Variants in RIMS2 observed in about 807,000 individuals in gnomAD.
The protein encoded by RIMS2 is regulating synaptic membrane exocytosis 2.
RIMS2 carries 59 observed loss-of-function variants against 174.4 expected under a neutral mutation model. That is an observed-to-expected ratio of 0.34 (90% CI 0.27 to 0.42). The LOEUF (loss-of-function observed/expected upper bound fraction) is 0.42. Among genes scored for constraint, RIMS2 ranks in the 10% least tolerant of loss-of-function variants. RIMS2 has a pLI of 1.00. For synonymous variants in RIMS2, 606 were observed against 572.5 expected, an observed-to-expected ratio of 1.06 and a Z score of -0.84; for missense variants, 1,620 against 1,666.3, an observed-to-expected ratio of 0.97 and a Z score of 0.48.
chr8:104,165,487 GT>G (rs573718736), intron 19 of RIMS2, among the ~76,000 whole-genome samples: 16 of 148,668 alleles, frequency 1.1e-4, no homozygotes, highest in South Asian at 4.3e-4. Flanking sequence ...ACTTTTTTCT[GT>G]TTTTTTTTAA....
intron 3 of RIMS2, among the ~76,000 whole-genome samples, chr8:103,860,997 T>C (rs2099055780): frequency 6.6e-6 from 1 of 152,036 alleles, no homozygotes; most frequent in African/African-American, 2.4e-5. Context: ...TTATTTTATT[T>C]TAGATTCAGG....
chr8:104,110,574 T>A (rs2098163168), intron 19 of RIMS2, among the ~76,000 whole-genome samples: 1 of 152,172 alleles, frequency 6.6e-6, no homozygotes, highest in Non-Finnish European at 1.5e-5. Flanking sequence ...GTTCTCTTGT[T>A]AAGTCTTTTT....
intron 19 of RIMS2, among the ~76,000 whole-genome samples, chr8:104,016,725 A>C (rs2095918884): frequency 6.6e-6 from 1 of 152,118 alleles, no homozygotes; most frequent in South Asian, 2.1e-4. Context: ...TAATTTATGC[A>C]CATTTTTAAA....
At chr8:103,545,499 A>G (rs1166487605) in intron 1 of RIMS2, among the ~76,000 whole-genome samples, 1 of 152,220 alleles carries the variant, frequency 6.6e-6, no homozygotes, top group Non-Finnish European at 1.5e-5. Flanking sequence ...AGAGAGGTGA[A>G]CATTGACATC....
chr8:103,627,702 T>G (rs1047335472), intron 1 of RIMS2, among the ~76,000 whole-genome samples: 1 of 152,216 alleles, frequency 6.6e-6, no homozygotes, highest in Non-Finnish European at 1.5e-5. Context: ...CTTTAAGAGT[T>G]CATCAAGAAA....
In RIMS2 at chr8:103,730,285, A is replaced by G. The variant is rs574922838; in HGVS notation, c.387+32989A>G. Among the ~76,000 whole-genome samples, 25 of 151,934 alleles carry G rather than the reference A, an allele frequency of 1.6e-4. 1 individual carries two copies. In the East Asian group the frequency reaches 4.4e-3, roughly 27 times the overall value. ...GGGTGATTATATATTTGCAATTGTT[A>G]TATATATAGAGGACCTCTAATAATA... On this transcript the variant is annotated intron_variant, in intron 2 of 23. Transcript: ENST00000504942.
chr8:103,667,214 A>G (rs1321662910), intron 1 of RIMS2, among the ~76,000 whole-genome samples: 1 of 152,244 alleles, frequency 6.6e-6, no homozygotes, highest in Non-Finnish European at 1.5e-5. Context: ...TGTCATGTGC[A>G]ACAAGAAGTG....
intron 1 of RIMS2, among the ~76,000 whole-genome samples, chr8:103,648,285 G>A (rs1451353759): frequency 2.0e-5 from 3 of 152,082 alleles, no homozygotes; most frequent in Admixed American, 6.5e-5. Context: ...CTGAGAGAAT[G>A]TTTGTTATTA....
chr8:104,205,138 T>G (rs1200940115), intron 19 of RIMS2, among the ~76,000 whole-genome samples: 2 of 152,162 alleles, frequency 1.3e-5, no homozygotes, highest in Non-Finnish European at 2.9e-5. Flanking sequence ...AAGAAAGCAA[T>G]GAAGAAAATT....
intron 2 of RIMS2, among the ~76,000 whole-genome samples, chr8:103,746,167 G>A (rs929256293): frequency 6.6e-6 from 1 of 152,150 alleles, no homozygotes; most frequent in African/African-American, 2.4e-5. Flanking sequence ...TTTGCATGTG[G>A]ATATCAAATT....
chr8:103,552,072 G>T (rs1848206357), intron 1 of RIMS2, among the ~76,000 whole-genome samples: 1 of 152,092 alleles, frequency 6.6e-6, no homozygotes, highest in Admixed American at 6.6e-5. Context: ...AGCTACCAAT[G>T]ACTTTTTTCA....
At chr8:104,014,649 A>G in intron 19 of RIMS2, 34 bp downstream of exon 21, 1 of 1,311,556 alleles carries the variant, frequency 7.6e-7, no homozygotes, top group Non-Finnish European at 1.1e-6. Flanking sequence ...CGTTTAGGAA[A>G]TACACATGGA....
intron 2 of RIMS2, among the ~76,000 whole-genome samples, chr8:103,750,291 A>G (rs1014634682): frequency 6.6e-6 from 1 of 152,192 alleles, no homozygotes; most frequent in Non-Finnish European, 1.5e-5. Flanking sequence ...TAATTAGAAG[A>G]ATTATTTTCC....
intron 19 of RIMS2, among the ~76,000 whole-genome samples, chr8:104,186,759 C>T (rs1288609542): frequency 6.6e-6 from 1 of 151,756 alleles, no homozygotes; most frequent in Non-Finnish European, 1.5e-5. Flanking sequence ...CTTACATAGG[C>T]AGATTTTTTT....
intron 1 of RIMS2, among the ~76,000 whole-genome samples, chr8:103,571,585 A>G (rs767554601): frequency 1.2e-4 from 18 of 152,194 alleles, no homozygotes; most frequent in Non-Finnish European, 2.4e-4. Context: ...GTGTATATGT[A>G]TATATGTACC....
chr8:103,506,625 A>G (rs933657681), intron 1 of RIMS2, among the ~76,000 whole-genome samples: 3 of 152,304 alleles, frequency 2.0e-5, no homozygotes, highest in African/African-American at 7.2e-5. Flanking sequence ...ATAAATAATC[A>G]TTATTGTTAA....
At chr8:104,013,403 C>G (rs1327652460) in intron 17 of RIMS2, 39 bp from the exon 20 acceptor site, 1 of 1,573,544 alleles carries the variant, frequency 6.4e-7, no homozygotes, top group Admixed American at 1.7e-5. Context: ...CAGAAGGGCA[C>G]TAAAGATCAA....
chr8:104,086,972 C>T lies in RIMS2; in HGVS notation c.3334+72357C>T, dbSNP rs1417213958. Among the ~76,000 whole-genome samples, 10 of 152,156 alleles carry T rather than the reference C, an allele frequency of 6.6e-5. No individual in the cohort carries two copies. In the East Asian group the frequency reaches 1.7e-3, roughly 26 times the overall value. ...GACCACTTGGTAACTTGAAATCAGC[C>T]ATAATGGGAGTATTTATATCACGGA... On this transcript the variant is annotated intron_variant, in intron 19 of 23. Coordinates refer to ENST00000504942, the Ensembl canonical transcript of RIMS2.
intron 19 of RIMS2, among the ~76,000 whole-genome samples, chr8:104,172,936 C>A (rs561114921): frequency 7.2e-4 from 110 of 152,278 alleles, no homozygotes; most frequent in Non-Finnish European, 1.5e-3. Context: ...ACTCTAGCTA[C>A]GTGAATTACA....
Sources: allele counts gnomAD v4.1 joint callset (sites outside exome capture counted in the v4.1 genomes callset), GRCh38; gene constraint gnomAD v4.1.1; transcripts MANE v1.5; gene names NCBI Gene and HGNC (gene_info 2026-07-23, HGNC 2026-07-21).